Variants in PCDHGB5 observed in about 807,000 individuals in gnomAD.
The protein encoded by PCDHGB5 is protocadherin gamma subfamily B, 5, also known as protocadherin gamma-B5.
In PCDHGB5, 48 loss-of-function variants were observed where a neutral mutation model predicts 62.9. The ratio of observed to expected loss-of-function variants is 0.76; its 90% CI spans 0.61 to 0.97. The LOEUF (loss-of-function observed/expected upper bound fraction) is 0.97, where lower values mean the gene tolerates loss of function less well. PCDHGB5 is among the 50% of genes least tolerant of loss of function. PCDHGB5 has a pLI of 0.00. For missense variants in PCDHGB5, 1,118 were observed against 1,198.6 expected (o/e 0.93, Z 0.99); for synonymous variants, 474 against 511.2 (o/e 0.93, Z 0.98).
intron 1 of PCDHGB5, chr5:141,410,195 G>T (rs769655902): frequency 1.2e-6 from 2 of 1,613,966 alleles, no homozygotes; most frequent in East Asian, 4.5e-5. Context: ...TCTGGTCTTC[G>T]CAGACAACTT....
chr5:141,422,901 C>T (rs768086403), intron 1 of PCDHGB5: 5 of 1,614,276 alleles, frequency 3.1e-6, no homozygotes, highest in Non-Finnish European at 4.2e-6. Context: ...ACCAGAACGA[C>T]AATGCGCCCG....
intron 1 of PCDHGB5, chr5:141,433,123 C>G (rs575738328): frequency 3.7e-6 from 6 of 1,614,116 alleles, no homozygotes; most frequent in Non-Finnish European, 5.1e-6. Context: ...TTGAAAAAAG[C>G]GAGCCCCTTT....
chr5:141,424,786 T>G (rs1219509852), intron 1 of PCDHGB5: 1 of 152,210 alleles, frequency 6.6e-6, no homozygotes, highest in Non-Finnish European at 1.5e-5. Flanking sequence ...ATTCAGTTCT[T>G]TTATTCAGAC....
rs778198822 is a variant in PCDHGB5, at chr5:141,432,802, A to C, written c.2397+32278A>C. 6.2e-7 allele frequency: 1 copy of C among 1,614,082 alleles called. No homozygotes were observed. The highest frequency in any genetic ancestry group is 1.1e-5 in the South Asian group (1 of 91,076). The stretch of plus-strand genomic sequence containing the variant: ...CGGACCTCGGCAGCCTCGAGTCTCC[A>C]GCTAACTCTGAAACCTCAGACCTCA... On this transcript the variant is annotated intron_variant, in intron 1 of 3. Transcript: ENST00000617380. This position sits in a 1 kb window ranked among gnomAD's most constrained non-coding sequence, Gnocchi z 6.0.
chr5:141,457,335 A>G (rs2098917073), intron 1 of PCDHGB5, among the ~76,000 whole-genome samples: 1 of 152,172 alleles, frequency 6.6e-6, no homozygotes, highest in Admixed American at 6.5e-5. Flanking sequence ...CAGGTACCTT[A>G]CTTACTTTCA....
chr5:141,438,386 T>C (rs757664430), intron 1 of PCDHGB5, among the ~76,000 whole-genome samples: 1 of 151,778 alleles, frequency 6.6e-6, no homozygotes, highest in Admixed American at 6.6e-5. Flanking sequence ...AATTTCTTAG[T>C]TCATCATTAA....
At chr5:141,451,712 C>G (rs769620335) in intron 1 of PCDHGB5, among the ~76,000 whole-genome samples, 2 of 151,994 alleles carry the variant, frequency 1.3e-5, no homozygotes, top group African/African-American at 4.8e-5. Context: ...CAAAACCCTG[C>G]CTCTACTAAA....
Position 141,409,459 on chromosome 5 carries a change from T to C in PCDHGB5, c.2397+8935T>C, listed in dbSNP as rs139792503. On this transcript the variant is annotated intron_variant, in intron 1 of 3. Coordinates refer to ENST00000617380, the MANE Select transcript of PCDHGB5 (RefSeq NM_018925.3). ...ACCGAGAGCAGACACCAGAATACAA[T>C]GTCACCATCGTAGCCACTGACAGGG... 4.9e-3 allele frequency: 7,986 copies of C among 1,613,950 alleles called. 44 individuals are homozygous for C. The highest frequency in any genetic ancestry group is 9.4e-3 in the Admixed American group (567 of 60,028).
In PCDHGB5 at chr5:141,487,762, T is replaced by C; in HGVS notation, c.2398-7045T>C. 6.5e-7 allele frequency: 1 copy of C among 1,545,432 alleles called. No homozygotes were observed. The highest frequency in any genetic ancestry group is 8.8e-7 in the Non-Finnish European group (1 of 1,142,332). ...TAAGAGGTAACTATGTGGTAGACGC[T>C]GTGCTTTGTAACTGTTTCGTGAATT... On this transcript the variant is annotated intron_variant, in intron 1 of 3. Coordinates refer to ENST00000617380, the MANE Select transcript of PCDHGB5 (RefSeq NM_018925.3). The surrounding 1 kb of genome is among the most constrained non-coding windows in gnomAD (Gnocchi z 5.0).
intron 1 of PCDHGB5, chr5:141,423,483 A>G (rs767321755): frequency 1.9e-6 from 3 of 1,613,974 alleles, no homozygotes; most frequent in Middle Eastern, 3.3e-4. Flanking sequence ...CTTTCCTGCA[A>G]ACCTATTCCC....
chr5:141,481,207 C>T (rs1287298617), intron 1 of PCDHGB5, among the ~76,000 whole-genome samples: 3 of 152,154 alleles, frequency 2.0e-5, no homozygotes, highest in Non-Finnish European at 1.5e-5. Flanking sequence ...TTTTAAAAAA[C>T]ATGGTAAGGT....
chr5:141,410,349 G>A, intron 1 of PCDHGB5: 1 of 1,613,994 alleles, frequency 6.2e-7, no homozygotes, highest in Non-Finnish European at 8.5e-7. Flanking sequence ...TTGCGCCTGC[G>A]ACGCTCTCTC....
At chr5:141,471,508 G>A (rs1262338812) in intron 1 of PCDHGB5, 3 of 152,216 alleles carry the variant, frequency 2.0e-5, no homozygotes, top group African/African-American at 7.2e-5. Context: ...AAGAGAGGGA[G>A]TAAAAATAAC....
At chr5:141,405,251 C>T (rs1462013657) in intron 1 of PCDHGB5, 1 of 1,614,124 alleles carries the variant, frequency 6.2e-7, no homozygotes, top group Admixed American at 1.7e-5. Context: ...AAGGAAGAGT[C>T]ACCTGATCTT....
intron 1 of PCDHGB5, among the ~76,000 whole-genome samples, chr5:141,457,822 C>A (rs1477393535): frequency 6.6e-6 from 1 of 152,178 alleles, no homozygotes; most frequent in Non-Finnish European, 1.5e-5. Context: ...AAGATAAACT[C>A]AGAGCTTCCA....
rs748714301 is a variant in PCDHGB5, at chr5:141,399,785, A to G, written c.1658A>G (p.Asp553Gly). The stretch of plus-strand genomic sequence containing the variant: ...CGCGTGTTGGTGGGCGACCGAAACG[A>G]CAACGCACCGCGGGTGCTGTACCCC... ...SLRVLVGDRN[D>G]NAPRVLYPAL... is the part of the protein sequence containing the mutation. The change falls in exon 1 of 4, where the codon GAC (aspartate) becomes GGC (glycine). Residue 553 changes from aspartate to glycine, a missense_variant. Asp to Gly is a moderately conservative substitution (Grantham distance 94, BLOSUM62 -1). Around this residue, in one of 2 missense-constraint regions of PCDHGB5, gnomAD observed 1,034 missense variants for 1,029.1 expected, o/e 1.00. Coordinates refer to ENST00000617380, the MANE Select transcript of PCDHGB5 (RefSeq NM_018925.3). 3.7e-6 allele frequency: 6 copies of G among 1,613,294 alleles called. No homozygotes were observed. Among genetic ancestry groups the G allele is most frequent in the South Asian group, 1.1e-5 (1 of 91,050 alleles).
At chr5:141,458,803 G>A (rs2098953701) in intron 1 of PCDHGB5, among the ~76,000 whole-genome samples, 2 of 152,130 alleles carry the variant, frequency 1.3e-5, no homozygotes, top group African/African-American at 4.8e-5. Flanking sequence ...TGTGATCTCA[G>A]CTCACTGCAA....
chr5:141,399,802 C>G lies in PCDHGB5; in HGVS notation c.1675C>G (p.Leu559Val). ...CCGAAACGACAACGCACCGCGGGTGCTGTACCCCGCGCTGGGTCCCGACGG... is the reference window on the plus strand; with the variant it reads ...CCGAAACGACAACGCACCGCGGGTGGTGTACCCCGCGCTGGGTCCCGACGG... Reference protein sequence around the residue: ...GDRNDNAPRVLYPALGPDGSA... With the variant: ...GDRNDNAPRVVYPALGPDGSA... The change falls in exon 1 of 4, where the codon CTG (leucine) becomes GTG (valine). Residue 559 changes from leucine (L) to valine (V), a missense_variant. Physicochemically the swap from Leu to Val is conservative, Grantham distance 32. This residue lies in a region of PCDHGB5 where 1,034 missense variants were observed against 1,029.1 expected (regional missense o/e 1.00). Transcript: ENST00000617380. The G allele has an allele frequency of 3.1e-6, 5 of 1,613,252 alleles. No homozygotes were observed. The highest frequency in any genetic ancestry group is 3.4e-6 in the Non-Finnish European group (4 of 1,179,754).
At chr5:141,410,085 C>T (rs533911183) in intron 1 of PCDHGB5, 29 of 1,612,476 alleles carry the variant, frequency 1.8e-5, no homozygotes, top group South Asian at 1.1e-5. Flanking sequence ...GAGGTGCGCA[C>T]GGCTCGAGCC....
Sources: gnomAD v4.1 joint callset for allele counts (sites outside exome capture counted in the v4.1 genomes callset) on GRCh38, gnomAD v4.1.1 for gene constraint, gnomAD v4.1.1 regional missense constraint, Gnocchi (gnomAD v3.1) non-coding constraint, MANE v1.5 for transcripts, NCBI Gene and HGNC (gene_info 2026-07-23, HGNC 2026-07-21) for gene names.